Variants in PPP5C observed in about 807,000 individuals in gnomAD.
PPP5C encodes serine/threonine-protein phosphatase 5.
A neutral mutation model predicts 66.7 loss-of-function variants in PPP5C; 21 were observed. The ratio of observed to expected loss-of-function variants is 0.31; its 90% CI spans 0.22 to 0.45. The LOEUF (loss-of-function observed/expected upper bound fraction) is 0.45. Ranked by LOEUF, PPP5C falls within the 20% of genes least tolerant of loss-of-function variation. The probability of loss-of-function intolerance (pLI) is 1.00; values close to 1 mark genes in which losing one functional copy is unlikely to be tolerated. For missense variants in PPP5C, 464 were observed against 675.9 expected (o/e 0.69, Z 3.48); for synonymous variants, 246 against 257.4 (o/e 0.96, Z 0.43).
Position 46,388,254 on chromosome 19 carries a change from C to A in PPP5C, c.1136-154C>A. ...GTGGCTCAGAATCACAGTCACCTGT[C>A]CTGAATGTCCATGTCCATGCTGGAT... On this transcript the variant is annotated intron_variant, in intron 9 of 12. Transcript: ENST00000012443. This position sits in a 1 kb window ranked among gnomAD's most constrained non-coding sequence, Gnocchi z 4.9. The A allele has an allele frequency of 1.3e-6, 1 of 770,588 alleles. No homozygotes were observed. The highest frequency in any genetic ancestry group is 2.0e-6 in the Non-Finnish European group (1 of 488,318). The allele number at this position is 770,588 out of a possible 1,614,324, so 47.7% of individuals were successfully genotyped here. A position where few individuals can be genotyped will look rare whatever the true frequency, so the allele number is the denominator to read the frequency against.
At chr19:46,379,483 C>G (rs944140525) in intron 4 of PPP5C, among the ~76,000 whole-genome samples, 1 of 152,216 alleles carries the variant, frequency 6.6e-6, no homozygotes, top group African/African-American at 2.4e-5. Context: ...CCACCATTCC[C>G]AGCCAATCTT....
intron 7 of PPP5C, 97 bp downstream of exon 7, chr19:46,385,006 G>A: frequency 2.0e-6 from 2 of 1,001,454 alleles, no homozygotes; most frequent in Non-Finnish European, 3.1e-6. Flanking sequence ...TTATTTTGTG[G>A]ACTCGGAGAT....
In PPP5C at chr19:46,383,208, G is replaced by A; in HGVS notation, c.634-203G>A. The A allele has an allele frequency of 6.5e-7, 1 of 1,529,618 alleles. No individual in the cohort carries two copies. Among genetic ancestry groups the A allele is most frequent in the Non-Finnish European group, 8.8e-7 (1 of 1,141,024 alleles). 94.8% of individuals were successfully genotyped at this position (1,529,618 alleles called of 1,614,324 possible). On this transcript the variant is annotated intron_variant, in intron 4 of 12. Transcript: ENST00000012443. This position sits in a 1 kb window ranked among gnomAD's most constrained non-coding sequence, Gnocchi z 5.0. ...CGTACAAAACAATCGCAATGCTTCG[G>A]CACTGCACAGGCCACAGAAGCCTGC...
rs371147269 is a variant in PPP5C, at chr19:46,357,130, C to T, written c.363+3141C>T. ...GGCACAAATCTTGGCTCACTGCAAC[C>T]TCTGCCTCTTGGGTTCAAGCGATCC... On this transcript the variant is annotated intron_variant, in intron 2 of 12. Transcript: ENST00000012443. Among the ~76,000 whole-genome samples, 13 of 152,306 alleles carry T rather than the reference C, an allele frequency of 8.5e-5. No individual in the cohort carries two copies. In the East Asian group the frequency reaches 2.1e-3, roughly 25 times the overall value.
chr19:46,371,709 G>A (rs1269260202), intron 2 of PPP5C, among the ~76,000 whole-genome samples: 1 of 152,188 alleles, frequency 6.6e-6, no homozygotes, highest in African/African-American at 2.4e-5. Context: ...TCATTCACCA[G>A]AAACTAACCC....
chr19:46,368,666 G>A (rs998588624), intron 2 of PPP5C, among the ~76,000 whole-genome samples: 10 of 152,050 alleles, frequency 6.6e-5, no homozygotes, highest in African/African-American at 2.4e-4. Context: ...CCCGTCACCC[G>A]AGTACTGTAC....
In PPP5C at chr19:46,383,779, G is replaced by A; in HGVS notation, c.700-1G>A. The stretch of plus-strand genomic sequence containing the variant: ...CTCTCCGGTGGCCTCTTTTCTTTCA[G>A]ACAGAGAAGATTACAGTATGTGGGG... On this transcript the variant is annotated splice_acceptor_variant, in intron 5 of 12. Transcript: ENST00000012443. LOFTEE classifies it high-confidence loss of function. The surrounding 1 kb of genome is among the most constrained non-coding windows in gnomAD (Gnocchi z 5.0). 1 of 1,611,540 alleles carries A rather than the reference G, an allele frequency of 6.2e-7. No individual in the cohort carries two copies. Among genetic ancestry groups the A allele is most frequent in the Non-Finnish European group, 8.5e-7 (1 of 1,177,950 alleles).
chr19:46,374,791 A>T, intron 2 of PPP5C, among the ~76,000 whole-genome samples: 1 of 152,158 alleles, frequency 6.6e-6, no homozygotes, highest in African/African-American at 2.4e-5. Context: ...CAGCTCTCCC[A>T]GTGGCCCTCT....
intron 2 of PPP5C, among the ~76,000 whole-genome samples, chr19:46,355,045 C>T (rs376216393): frequency 5.9e-5 from 9 of 152,258 alleles, no homozygotes; most frequent in Admixed American, 4.6e-4. Flanking sequence ...ACTGGGATTA[C>T]TCCCCTTGCA....
chr19:46,376,580 G>A lies in PPP5C; in HGVS notation c.633+6G>A, dbSNP rs1434272374. 6.2e-7 allele frequency: 1 copy of A among 1,612,820 alleles called. No individual in the cohort carries two copies. Among genetic ancestry groups the A allele is most frequent in the Non-Finnish European group, 8.5e-7 (1 of 1,179,244 alleles). ...ACCGGAAATGTGCCTACCAGGTAATGCATCTGTCAGGTACTGGGCACCCGG... is the reference window on the plus strand; with the variant it reads ...ACCGGAAATGTGCCTACCAGGTAATACATCTGTCAGGTACTGGGCACCCGG... On this transcript the variant is annotated splice_donor_region_variant and intron_variant, in intron 4 of 12. Transcript: ENST00000012443. The surrounding 1 kb of genome is among the most constrained non-coding windows in gnomAD (Gnocchi z 5.1).
At chr19:46,355,105 C>A (rs2147363848) in intron 2 of PPP5C, among the ~76,000 whole-genome samples, 1 of 152,360 alleles carries the variant, frequency 6.6e-6, no homozygotes, top group East Asian at 1.9e-4. Flanking sequence ...CCAGTGACCC[C>A]CACCTGGTTA....
At chr19:46,354,396 GC>G (rs1433686970) in intron 2 of PPP5C, among the ~76,000 whole-genome samples, 1 of 152,218 alleles carries the variant, frequency 6.6e-6, no homozygotes, top group East Asian at 1.9e-4. Context: ...GAGCCACACA[GC>G]CTCTCTTCTT....
intron 4 of PPP5C, among the ~76,000 whole-genome samples, chr19:46,378,631 T>C (rs1193277231): frequency 6.6e-6 from 1 of 152,232 alleles, no homozygotes; most frequent in Non-Finnish European, 1.5e-5. Flanking sequence ...TTGAAATTTT[T>C]ATTAGGCACA....
intron 2 of PPP5C, among the ~76,000 whole-genome samples, chr19:46,365,563 C>T (rs1166485721): frequency 6.6e-6 from 1 of 152,172 alleles, no homozygotes; most frequent in East Asian, 1.9e-4. Context: ...AATCTCTTAT[C>T]ACCTTGTGGC....
chr19:46,373,631 A>G (rs1364319384), intron 2 of PPP5C, among the ~76,000 whole-genome samples: 1 of 150,216 alleles, frequency 6.7e-6, no homozygotes, highest in Non-Finnish European at 1.5e-5. Flanking sequence ...TCAGTCACTC[A>G]TTCATTTCTT....
At chr19:46,362,642 C>T (rs1386015735) in intron 2 of PPP5C, among the ~76,000 whole-genome samples, 1 of 151,914 alleles carries the variant, frequency 6.6e-6, no homozygotes, top group Non-Finnish European at 1.5e-5. Context: ...CAAATCCAAC[C>T]ATCATCTCAA....
rs1972924267 is a variant in PPP5C, at chr19:46,388,143, A to T, written c.1136-265A>T. On this transcript the variant is annotated intron_variant, in intron 9 of 12. Transcript: ENST00000012443. The surrounding 1 kb of genome is among the most constrained non-coding windows in gnomAD (Gnocchi z 4.9). ...TTGAGTGGGAGAGGGGCCTGATCTG[A>T]ATAGTGACATTGAAAGCTCTATCTG... The T allele has an allele frequency of 4.2e-6, 2 of 474,562 alleles. No homozygotes were observed. The highest frequency in any genetic ancestry group is 6.8e-5 in the Admixed American group (2 of 29,420). The allele number at this position is 474,562 out of a possible 1,614,324, so 29.4% of individuals were successfully genotyped here. A position where few individuals can be genotyped will look rare whatever the true frequency, so the allele number is the denominator to read the frequency against.
intron 7 of PPP5C, 145 bp from the exon 8 acceptor site, chr19:46,386,948 C>G: frequency 8.9e-7 from 1 of 1,126,184 alleles, no homozygotes; most frequent in Non-Finnish European, 1.3e-6. Context: ...CTTGGTACCT[C>G]CAGTCTGGAA....
At chr19:46,371,665 T>A (rs1978308) in intron 2 of PPP5C, among the ~76,000 whole-genome samples, 1 of 152,018 alleles carries the variant, frequency 6.6e-6, no homozygotes, top group Admixed American at 6.5e-5. Flanking sequence ...CTCTGACTTA[T>A]TATACAGAGA....
Sources: allele counts gnomAD v4.1 joint callset (sites outside exome capture counted in the v4.1 genomes callset), GRCh38; gene constraint gnomAD v4.1.1; non-coding constraint Gnocchi (gnomAD v3.1); transcripts MANE v1.5; gene names NCBI Gene and HGNC (gene_info 2026-07-23, HGNC 2026-07-21).